PRPF6: variants seen among roughly 807,000 people sequenced by gnomAD.
PRPF6 encodes pre-mRNA-processing factor 6.
Under a neutral mutation model 118.3 loss-of-function variants are expected in PRPF6, and 42 were observed. The ratio of observed to expected loss-of-function variants is 0.35; its 90% CI spans 0.28 to 0.46. The LOEUF (loss-of-function observed/expected upper bound fraction) is 0.46, where lower values mean the gene tolerates loss of function less well. Among genes scored for constraint, PRPF6 ranks in the 20% least tolerant of loss-of-function variants. PRPF6 has a pLI of 1.00. For synonymous variants in PRPF6, 481 were observed against 485.1 expected (o/e 0.99, Z 0.11); for missense variants, 662 against 1,255.7 (o/e 0.53, Z 7.15).
chr20:63,982,406 A>T (rs538392424), intron 1 of PRPF6, among the ~76,000 whole-genome samples: 1 of 152,222 alleles, frequency 6.6e-6, no homozygotes, highest in East Asian at 1.9e-4. Flanking sequence ...TCCTGACCTC[A>T]TGATCCACCC....
rs554027919 is a variant in PRPF6, at chr20:64,027,819, G to T, written c.2339+83G>T. The T allele has an allele frequency of 2.5e-6, 4 of 1,582,856 alleles. No individual in the cohort carries two copies. The Admixed American group carries it at 6.7e-5, about 26-fold the overall frequency. On this transcript the variant is annotated intron_variant, in intron 17 of 20. Transcript: ENST00000266079. The surrounding 1 kb of genome is among the most constrained non-coding windows in gnomAD (Gnocchi z 6.5). ...GCCGTCACCCAGCTGCTTGTGTGGA[G>T]TCACTCGTGCAGTGCTTCCAGGCTC...
Position 64,016,785 on chromosome 20 carries a change from G to A in PRPF6, c.1587G>A (p.Val529=), listed in dbSNP as rs1409146416. 1.2e-6 allele frequency: 2 copies of A among 1,614,094 alleles called. No individual in the cohort carries two copies. Among genetic ancestry groups the A allele is most frequent in the East Asian group, 2.2e-5 (1 of 44,900 alleles). The change falls in exon 12 of 21, where the codon GTG becomes GTA. Residue 529 remains valine (V), a synonymous_variant. Transcript: ENST00000266079. The stretch of plus-strand genomic sequence containing the variant: ...CCTGCCAGGCCGTCATGCGTGCCGT[G>A]ATTGGGATTGGGATTGAGGAGGAAG... ...VATCQAVMRA[V]IGIGIEEEDR... is the part of the protein sequence containing the mutation.
intron 6 of PRPF6, among the ~76,000 whole-genome samples, chr20:63,997,972 A>G (rs986442748): frequency 6.6e-6 from 1 of 152,178 alleles, no homozygotes; most frequent in African/African-American, 2.4e-5. Context: ...TGACCTGTTT[A>G]TTCGCTGACG....
At chr20:63,999,576 A>C (rs755319297) in intron 7 of PRPF6, 27 bp from the exon 8 acceptor site, 1 of 1,613,534 alleles carries the variant, frequency 6.2e-7, no homozygotes, top group Non-Finnish European at 8.5e-7. Flanking sequence ...GCATGGCCTG[A>C]TGCCGTGTGC....
intron 12 of PRPF6, among the ~76,000 whole-genome samples, chr20:64,022,155 G>A (rs2059269768): frequency 6.6e-6 from 1 of 152,242 alleles, no homozygotes; most frequent in Non-Finnish European, 1.5e-5. Flanking sequence ...CTTTTTCAGT[G>A]TTCTTGTTTC....
intron 3 of PRPF6, among the ~76,000 whole-genome samples, chr20:63,988,341 A>G (rs190172927): frequency 6.6e-6 from 1 of 150,970 alleles, no homozygotes; most frequent in Admixed American, 6.6e-5. Flanking sequence ...AAACCAAAAA[A>G]CAAAAATTAG....
intron 1 of PRPF6, among the ~76,000 whole-genome samples, chr20:63,981,651 C>A (rs907510199): frequency 1.8e-4 from 26 of 144,160 alleles, no homozygotes; most frequent in Admixed American, 3.4e-4. Flanking sequence ...ACTCCCCCCC[C>A]CCGCCCGCCC....
At chr20:63,984,575 A>G (rs2059085404) in intron 2 of PRPF6, among the ~76,000 whole-genome samples, 1 of 152,246 alleles carries the variant, frequency 6.6e-6, no homozygotes, top group African/African-American at 2.4e-5. Flanking sequence ...AGGAGTTAAC[A>G]TTGACACAGT....
intron 7 of PRPF6, among the ~76,000 whole-genome samples, 165 bp downstream of exon 7, chr20:63,999,304 A>G (rs1301026540): frequency 1.3e-5 from 2 of 152,228 alleles, no homozygotes; most frequent in Non-Finnish European, 1.5e-5. Flanking sequence ...GTATCCATTC[A>G]TTGCGTACAC....
chr20:63,997,866 C>T (rs958078095), intron 6 of PRPF6, among the ~76,000 whole-genome samples: 37 of 152,084 alleles, frequency 2.4e-4, no homozygotes, highest in Non-Finnish European at 4.3e-4. Context: ...TGAGCCCCGG[C>T]GCCCCGGCCA....
At chr20:63,983,875 A>G (rs2059082249) in intron 2 of PRPF6, among the ~76,000 whole-genome samples, 1 of 151,520 alleles carries the variant, frequency 6.6e-6, no homozygotes, top group Non-Finnish European at 1.5e-5. Context: ...CTGGTCTCGA[A>G]CTCCTGACTT....
At chr20:64,030,320 G>GT (rs1432888217) in intron 19 of PRPF6, among the ~76,000 whole-genome samples, 8 of 152,172 alleles carry the variant, frequency 5.3e-5, no homozygotes, top group African/African-American at 1.9e-4. Flanking sequence ...CAGAGGTGGC[G>GT]TGTCTGGCCC....
intron 20 of PRPF6, 72 bp from the exon 21 acceptor site, chr20:64,032,769 G>A: frequency 1.3e-6 from 2 of 1,542,476 alleles, no homozygotes; most frequent in South Asian, 1.2e-5. Flanking sequence ...GCAGGGGCCA[G>A]GCGAGAAGCA....
rs2059302113 is a variant in PRPF6 at position 64,028,615 on chromosome 20, TAAGGGGGTGCCTTGACTC to T, written c.2431+47_2431+64del. 6.3e-7 allele frequency: 1 copy of T among 1,599,594 alleles called. No homozygotes were observed. The highest frequency in any genetic ancestry group is 1.3e-5 in the African/African-American group (1 of 74,578). On this transcript the variant is annotated intron_variant, in intron 18 of 20. Coordinates refer to ENST00000266079, the MANE Select transcript of PRPF6 (RefSeq NM_012469.4). This position sits in a 1 kb window ranked among gnomAD's most constrained non-coding sequence, Gnocchi z 6.5. ...CGGTAAGGGGGTGCCCTGACTCCGG[TAAGGGGGTGCCTTGACTC>T]CGGTAAGGGGGTGCTTCCTGGCTTC...
chr20:64,019,256 G>A (rs1273922655), intron 12 of PRPF6, among the ~76,000 whole-genome samples: 1 of 151,820 alleles, frequency 6.6e-6, no homozygotes, highest in African/African-American at 2.4e-5. Context: ...ACAGGTGCCT[G>A]CCACCACACC....
intron 3 of PRPF6, among the ~76,000 whole-genome samples, chr20:63,986,326 CA>C (rs2059092919): frequency 9.4e-6 from 1 of 105,834 alleles, no homozygotes; most frequent in African/African-American, 3.8e-5. Flanking sequence ...GCCTGGGAGA[CA>C]AGAGCAAGAC....
chr20:64,018,709 C>T (rs816921), intron 12 of PRPF6, among the ~76,000 whole-genome samples: 9,266 of 151,950 alleles, frequency 0.061, 302 homozygotes, highest in Middle Eastern at 0.12. Flanking sequence ...CAAGTGATCC[C>T]ACCTCAGCCT....
At position 64,022,873 on chromosome 20, in the gene PRPF6, C is replaced by T. The variant is rs775513378; in HGVS notation, c.1764C>T (p.Gly588=). ...LRAAYFEKNH[G]TRESLEALLQ... is the part of the protein sequence containing the mutation. ...CCGCGTACTTCGAGAAGAACCATGG[C>T]ACTCGGTATGTGGTGGGACCCGCCT... Residue 588 remains glycine, a synonymous_variant, in exon 13 of 21, where the codon GGC becomes GGT. Coordinates refer to ENST00000266079, the MANE Select transcript of PRPF6 (RefSeq NM_012469.4). 4 of 1,614,024 alleles carry T rather than the reference C, an allele frequency of 2.5e-6. No homozygotes were observed. In the Admixed American group the frequency reaches 6.7e-5, roughly 27 times the overall value.
chr20:63,990,206 G>A (rs954418316), intron 3 of PRPF6, among the ~76,000 whole-genome samples: 2 of 152,138 alleles, frequency 1.3e-5, no homozygotes, highest in Non-Finnish European at 2.9e-5. Context: ...TTGCTGCCTC[G>A]AGGACAGCAC....
Sources: allele counts gnomAD v4.1 joint callset (sites outside exome capture counted in the v4.1 genomes callset), GRCh38; gene constraint gnomAD v4.1.1; non-coding constraint Gnocchi (gnomAD v3.1); transcripts MANE v1.5; gene names NCBI Gene and HGNC (gene_info 2026-07-23, HGNC 2026-07-21).